Variants in WWOX observed in about 807,000 individuals in gnomAD.
The protein encoded by WWOX is WW domain-containing oxidoreductase.
WWOX carries 69 observed loss-of-function variants against 46.2 expected under a neutral mutation model. That is an observed-to-expected ratio of 1.49 (90% CI 1.23 to 1.82). The LOEUF (loss-of-function observed/expected upper bound fraction) is 1.82. Among genes scored for constraint, WWOX ranks in the 40% most tolerant of loss-of-function variants. The pLI, the probability that WWOX is intolerant of heterozygous loss-of-function variation, is 0.00. For synonymous variants in WWOX, 359 were observed against 202.6 expected, an observed-to-expected ratio of 1.77 and a Z score of -6.56; for missense variants, 919 against 542.6, an observed-to-expected ratio of 1.69 and a Z score of -6.89.
intron 8 of WWOX, among the ~76,000 whole-genome samples, chr16:78,759,635 C>T (rs2049741784): frequency 6.6e-6 from 1 of 152,200 alleles, no homozygotes; most frequent in East Asian, 1.9e-4. Context: ...TGTTAAACTG[C>T]ATGCCTACAA....
intron 8 of WWOX, among the ~76,000 whole-genome samples, chr16:78,656,104 G>A (rs1191067245): frequency 6.6e-6 from 1 of 152,170 alleles, no homozygotes; most frequent in Non-Finnish European, 1.5e-5. Flanking sequence ...ATGGGATGGG[G>A]AAGAATCAAA....
intron 8 of WWOX, among the ~76,000 whole-genome samples, chr16:78,575,558 T>G (rs1352809705): frequency 6.6e-6 from 1 of 152,124 alleles, no homozygotes; most frequent in Non-Finnish European, 1.5e-5. Context: ...TGTTTTGGAC[T>G]GGGGCATTGG....
chr16:78,355,869 C>G (rs559039050), intron 5 of WWOX: 54 of 557,258 alleles, frequency 9.7e-5, no homozygotes, highest in Non-Finnish European at 1.6e-4. Context: ...AAACAGGAGA[C>G]TTTGTACAGT....
intron 8 of WWOX, among the ~76,000 whole-genome samples, chr16:78,638,542 C>G (rs765408573): frequency 3.9e-5 from 6 of 152,128 alleles, no homozygotes; most frequent in Admixed American, 6.5e-5. Flanking sequence ...CCTGCCTTTT[C>G]TGAATGACCC....
At chr16:78,804,077 C>T (rs2050964510) in intron 8 of WWOX, among the ~76,000 whole-genome samples, 1 of 152,130 alleles carries the variant, frequency 6.6e-6, no homozygotes. Context: ...CTCCTTCATT[C>T]CCAACCAAGT....
intron 8 of WWOX, among the ~76,000 whole-genome samples, chr16:79,187,246 A>G (rs1597457498): frequency 6.6e-6 from 1 of 152,160 alleles, no homozygotes; most frequent in Non-Finnish European, 1.5e-5. Context: ...CTTATCACAT[A>G]GTTTTTGAGA....
At chr16:78,405,317 A>T (rs2082502720) in intron 6 of WWOX, among the ~76,000 whole-genome samples, 1 of 152,168 alleles carries the variant, frequency 6.6e-6, no homozygotes, top group African/African-American at 2.4e-5. Flanking sequence ...ATTCCAACTG[A>T]AATAAAAAAA....
chr16:78,149,683 C>G (rs1013774980), intron 4 of WWOX, among the ~76,000 whole-genome samples: 2 of 152,106 alleles, frequency 1.3e-5, no homozygotes, highest in Non-Finnish European at 2.9e-5. Flanking sequence ...ATACACATGC[C>G]AAGCATGTAC....
intron 8 of WWOX, among the ~76,000 whole-genome samples, chr16:78,945,474 T>C (rs2045930883): frequency 6.6e-6 from 1 of 152,220 alleles, no homozygotes; most frequent in South Asian, 2.1e-4. Flanking sequence ...TAAAAAAGTT[T>C]TGGGGTTTGT....
intron 5 of WWOX, among the ~76,000 whole-genome samples, chr16:78,164,674 CTA>C (rs977191128): frequency 1.3e-5 from 2 of 152,158 alleles, no homozygotes; most frequent in Admixed American, 1.3e-4. Context: ...TTTTCTCTGT[CTA>C]TGTAGAAGTT....
chr16:78,878,696 C>T (rs544069025), intron 8 of WWOX, among the ~76,000 whole-genome samples: 75 of 152,040 alleles, frequency 4.9e-4, no homozygotes, highest in African/African-American at 1.7e-3. Flanking sequence ...CCTTTATAGA[C>T]CCCTTTCCCT....
chr16:78,264,159 C>G (rs2079311649), intron 5 of WWOX, among the ~76,000 whole-genome samples: 1 of 151,770 alleles, frequency 6.6e-6, no homozygotes, highest in African/African-American at 2.4e-5. Context: ...CATGAATTTG[C>G]TCATCACCAC....
intron 4 of WWOX, among the ~76,000 whole-genome samples, chr16:78,144,450 C>CACACATATATAT (rs1171090089): frequency 8.0e-5 from 2 of 24,934 alleles, no homozygotes; most frequent in Non-Finnish European, 1.5e-4. Context: ...TATATATACA[C>CACACATATATAT]ATATATATAT....
intron 8 of WWOX, among the ~76,000 whole-genome samples, chr16:78,645,648 C>T (rs1311048175): frequency 2.0e-5 from 3 of 152,044 alleles, no homozygotes; most frequent in South Asian, 4.2e-4. Context: ...TTTAAAAGAA[C>T]CAACTCTCTG....
chr16:79,071,490 C>G (rs2048550266), intron 8 of WWOX, among the ~76,000 whole-genome samples: 1 of 152,172 alleles, frequency 6.6e-6, no homozygotes, highest in African/African-American at 2.4e-5. Flanking sequence ...TTTGTTTTCT[C>G]TCTAGTTTGA....
At chr16:79,068,976 G>A (rs774266628) in intron 8 of WWOX, among the ~76,000 whole-genome samples, 2 of 152,110 alleles carry the variant, frequency 1.3e-5, no homozygotes, top group East Asian at 1.9e-4. Flanking sequence ...ACGCACAGGC[G>A]TAAGATATGC....
At chr16:79,151,294 G>C (rs566540229) in intron 8 of WWOX, among the ~76,000 whole-genome samples, 8 of 152,172 alleles carry the variant, frequency 5.3e-5, no homozygotes, top group Non-Finnish European at 1.2e-4. Context: ...AAGTAAAGGC[G>C]TTATTCTTTG....
chr16:78,230,210 A>G (rs6564517), intron 5 of WWOX, among the ~76,000 whole-genome samples: 11,620 of 152,166 alleles, frequency 0.076, 1,426 homozygotes, highest in African/African-American at 0.26. Flanking sequence ...CTTTCAATCC[A>G]TCTAATACGC....
In WWOX at chr16:79,107,401, T is replaced by G. The variant is rs116677234; in HGVS notation, c.1057-104207T>G. On this transcript the variant is annotated intron_variant, in intron 8 of 8. Transcript: ENST00000566780. ...CCGCGCCCAGCCCAAAATGACTTTT[T>G]ATTTGTTATTTTTGTTCTCATCCTT... Among the ~76,000 whole-genome samples the G allele has an allele frequency of 6.5e-3, 995 of 152,322 alleles. 13 individuals carry two copies. Among genetic ancestry groups the G allele is most frequent in the African/African-American group, 0.022 (917 of 41,564 alleles).
Sources: gnomAD v4.1 joint callset for allele counts (sites outside exome capture counted in the v4.1 genomes callset) on GRCh38, gnomAD v4.1.1 for gene constraint, MANE v1.5 for transcripts, NCBI Gene and HGNC (gene_info 2026-07-23, HGNC 2026-07-21) for gene names.